Variants in AK9 observed in about 807,000 individuals in gnomAD.
The protein encoded by AK9 is adenylate kinase domain containing 1.
Under a neutral mutation model 239.6 loss-of-function variants are expected in AK9, and 191 were observed. The observed-to-expected ratio is 0.80, with a 90% CI of 0.71 to 0.90. The LOEUF (loss-of-function observed/expected upper bound fraction) is 0.90. Among genes scored for constraint, AK9 ranks in the 40% least tolerant of loss-of-function variants. The probability of loss-of-function intolerance (pLI) is 0.00; values close to 1 mark genes in which losing one functional copy is unlikely to be tolerated. For missense variants in AK9, 1,995 were observed against 2,214.7 expected (o/e 0.90, Z 1.99); for synonymous variants, 689 against 721.0 (o/e 0.96, Z 0.71).
chr6:109,556,825 A>G (rs976656079), intron 24 of AK9, among the ~76,000 whole-genome samples: 5 of 151,902 alleles, frequency 3.3e-5, no homozygotes, highest in African/African-American at 1.2e-4. Flanking sequence ...TATGCTTCAC[A>G]AAGTTCTCAT....
intron 8 of AK9, among the ~76,000 whole-genome samples, chr6:109,652,222 C>T (rs1326398052): frequency 6.6e-6 from 1 of 152,206 alleles, no homozygotes; most frequent in East Asian, 1.9e-4. Context: ...AAGTTGGCTT[C>T]ATCCCTGGGA....
At chr6:109,603,369 G>A (rs189331057) in intron 17 of AK9, among the ~76,000 whole-genome samples, 37 of 152,270 alleles carry the variant, frequency 2.4e-4, no homozygotes, top group East Asian at 7.7e-4. Flanking sequence ...TATCAGCAGC[G>A]GAGGCTGCAG....
At chr6:109,600,083 T>C (rs1791694161) in intron 17 of AK9, among the ~76,000 whole-genome samples, 1 of 152,220 alleles carries the variant, frequency 6.6e-6, no homozygotes, top group African/African-American at 2.4e-5. Flanking sequence ...TTCTCCTGCC[T>C]GATTGCCTTG....
At chr6:109,551,256 G>A (rs1407585175) in intron 24 of AK9, among the ~76,000 whole-genome samples, 1 of 152,278 alleles carries the variant, frequency 6.6e-6, no homozygotes, top group African/African-American at 2.4e-5. Flanking sequence ...GGGGGCTCAT[G>A]CCTGTAATCC....
chr6:109,598,436 G>C (rs1400342788), intron 17 of AK9, among the ~76,000 whole-genome samples: 4 of 152,280 alleles, frequency 2.6e-5, no homozygotes, highest in Middle Eastern at 3.4e-3. Context: ...GTATTCCATG[G>C]TGTATATGTG....
intron 17 of AK9, among the ~76,000 whole-genome samples, chr6:109,601,072 C>T (rs1583201085): frequency 6.6e-6 from 1 of 152,126 alleles, no homozygotes; most frequent in South Asian, 2.1e-4. Context: ...GTGTCTCTAT[C>T]TCCGTCAGTT....
intron 18 of AK9, 109 bp downstream of exon 18, chr6:109,585,807 G>A (rs564705098): frequency 3.0e-6 from 3 of 1,012,834 alleles, no homozygotes; most frequent in African/African-American, 3.3e-5. Flanking sequence ...GGATTGCTGG[G>A]GTGGGTATTT....
chr6:109,629,082 G>A (rs9487175), intron 12 of AK9, among the ~76,000 whole-genome samples: 88,516 of 151,908 alleles, frequency 0.58, 27,466 homozygotes, highest in South Asian at 0.84. Context: ...GAGGGTCAGA[G>A]ATAACAATTT....
chr6:109,545,817 T>TAAC (rs761389896), intron 26 of AK9, 50 bp downstream of exon 26: 1 of 1,548,564 alleles, frequency 6.5e-7, no homozygotes, highest in African/African-American at 1.4e-5. Context: ...ACAACAACAA[T>TAAC]AACAACAGCA....
At chr6:109,521,832 A>G (rs1336799973) in intron 29 of AK9, among the ~76,000 whole-genome samples, 2 of 151,990 alleles carry the variant, frequency 1.3e-5, no homozygotes, top group South Asian at 2.1e-4. Context: ...CATTTGCCCC[A>G]TATTTGAATA....
rs1169684859 is a variant in AK9, at chr6:109,614,362, ACAT to A, written c.1495+20_1495+22del. On this transcript the variant is annotated intron_variant, in intron 14 of 40. Coordinates refer to ENST00000424296, the MANE Select transcript of AK9 (RefSeq NM_001145128.3). ...TATATTAGGGATGATTTGGTCAATA[ACAT>A]CAGCAATATATTTCTTTACCTTCTT... is the stretch of plus-strand genomic sequence containing the variant. The A allele has an allele frequency of 1.3e-6, 2 of 1,549,216 alleles. No individual in the cohort carries two copies. Among genetic ancestry groups the A allele is most frequent in the Admixed American group, 3.9e-5 (2 of 50,978 alleles).
At position 109,564,637 on chromosome 6, in the gene AK9, G is replaced by A. The variant is rs1004866133; in HGVS notation, c.2434+119C>T. 1.2e-5 allele frequency: 8 copies of A among 685,568 alleles called. No homozygotes were observed. In the Admixed American group the frequency reaches 2.8e-4, roughly 24 times the overall value. The allele number at this position is 685,568 out of a possible 1,614,324, so 42.5% of individuals were successfully genotyped here. On this transcript the variant is annotated intron_variant, in intron 22 of 40. Coordinates refer to ENST00000424296, the MANE Select transcript of AK9 (RefSeq NM_001145128.3). ...GCCAAATATTTATGTATGTCAATTA[G>A]CATACAACATAGAAAGAAATAAGTA...
At chr6:109,494,124 T>C (rs1420113661) in intron 39 of AK9, 29 bp from the exon 40 acceptor site, 1 of 1,528,076 alleles carries the variant, frequency 6.5e-7, no homozygotes, top group Non-Finnish European at 9.0e-7. Flanking sequence ...TCAAATTCTG[T>C]GTATACTTGA....
intron 1 of AK9, among the ~76,000 whole-genome samples, chr6:109,688,162 C>T (rs903161870): frequency 1.6e-4 from 25 of 152,214 alleles, no homozygotes; most frequent in Admixed American, 1.2e-3. Context: ...GCCCTCAATA[C>T]GGTACAACCC....
intron 28 of AK9, among the ~76,000 whole-genome samples, chr6:109,531,798 C>T (rs1308183052): frequency 6.6e-6 from 1 of 152,132 alleles, no homozygotes; most frequent in African/African-American, 2.4e-5. Context: ...GACAGTTTGG[C>T]CTGAACGTCA....
chr6:109,669,357 T>A (rs1801737859), intron 5 of AK9, among the ~76,000 whole-genome samples: 1 of 152,004 alleles, frequency 6.6e-6, no homozygotes, highest in African/African-American at 2.4e-5. Flanking sequence ...GACTTCCTCT[T>A]TTCCGAATTG....
chr6:109,505,464 T>C (rs9487132), intron 35 of AK9, among the ~76,000 whole-genome samples: 38,270 of 152,168 alleles, frequency 0.25, 4,869 homozygotes, highest in East Asian at 0.42. Context: ...ATCAAACATG[T>C]GCTTCTGTGA....
intron 10 of AK9, among the ~76,000 whole-genome samples, chr6:109,638,162 C>G (rs572669855): frequency 6.6e-6 from 1 of 152,342 alleles, no homozygotes; most frequent in East Asian, 1.9e-4. Flanking sequence ...CCCATGCATG[C>G]AATGCTTTCT....
chr6:109,548,308 TAAGA>T (rs1187912384), intron 25 of AK9, among the ~76,000 whole-genome samples: 1 of 152,148 alleles, frequency 6.6e-6, no homozygotes, highest in Non-Finnish European at 1.5e-5. Context: ...TTTGAGGCAC[TAAGA>T]AAGATAAGAC....
Sources: gnomAD v4.1 joint callset for allele counts (sites outside exome capture counted in the v4.1 genomes callset) on GRCh38, gnomAD v4.1.1 for gene constraint, MANE v1.5 for transcripts, NCBI Gene and HGNC (gene_info 2026-07-23, HGNC 2026-07-21) for gene names.